The following OPN3 variants were observed in gnomAD, a reference collection of about 807,000 sequenced individuals.
OPN3 encodes the protein opsin 3.
Under a neutral mutation model 33.8 loss-of-function variants are expected in OPN3, and 29 were observed. The ratio of observed to expected loss-of-function variants is 0.86; its 90% CI spans 0.64 to 1.17. The LOEUF is 1.17. OPN3 is among the 50% of genes most tolerant of loss of function. The pLI is 0.00. For synonymous variants in OPN3, 216 were observed against 216.1 expected, an observed-to-expected ratio of 1.00 and a Z score of 0.00; for missense variants, 437 against 514.1, an observed-to-expected ratio of 0.85 and a Z score of 1.45.
At chr1:241,608,489 G>C (rs1181409563) in intron 1 of OPN3, among the ~76,000 whole-genome samples, 2 of 152,162 alleles carry the variant, frequency 1.3e-5, no homozygotes, top group African/African-American at 2.4e-5. Context: ...TCAGTGCAGT[G>C]CTATGAAGAA....
intron 1 of OPN3, among the ~76,000 whole-genome samples, chr1:241,619,134 AC>A (rs947592138): frequency 5.3e-5 from 8 of 152,132 alleles, no homozygotes; most frequent in African/African-American, 1.7e-4. Flanking sequence ...GAACTTGAGA[AC>A]TTTCAGGAAA....
chr1:241,604,346 C>T lies in OPN3; in HGVS notation c.607G>A (p.Val203Met), dbSNP rs752977802. 5 of 1,614,204 alleles carry T rather than the reference C, an allele frequency of 3.1e-6. No homozygotes were observed. In the Admixed American group the frequency reaches 8.3e-5, roughly 27 times the overall value. ...KSKDANDSSF[V>M]LFLFLGCLVV... is the part of the protein sequence containing the mutation. ...AGGCAGCCAAGAAATAAGAAAAGCA[C>T]AAAGGAGGAATCGTTGGCATCCTTG... The change falls in exon 2 of 4, where the codon GTG becomes ATG. Residue 203 changes from valine to methionine, a missense_variant. By Grantham distance (21) the Val-to-Met change is conservative. Transcript: ENST00000366554.
intron 1 of OPN3, among the ~76,000 whole-genome samples, chr1:241,606,257 T>A (rs1481213842): frequency 1.3e-5 from 2 of 152,074 alleles, no homozygotes; most frequent in Non-Finnish European, 2.9e-5. Flanking sequence ...AACTTTGAGG[T>A]TTTTGGCTGG....
chr1:241,636,031 T>C (rs1253992450), intron 1 of OPN3: 2 of 478,480 alleles, frequency 4.2e-6, no homozygotes, highest in South Asian at 4.6e-5. Flanking sequence ...TAGCAGTAAA[T>C]GTCAAAATGC....
At chr1:241,623,315 C>T (rs1478165219) in intron 1 of OPN3, among the ~76,000 whole-genome samples, 2 of 152,184 alleles carry the variant, frequency 1.3e-5, no homozygotes, top group East Asian at 1.9e-4. Context: ...CCTTTGTTGT[C>T]CTGACTACTA....
rs1664354607 is a variant in OPN3, at chr1:241,624,347, CTG to C, written c.373+15533_373+15534del. 4.6e-5 allele frequency among the ~76,000 whole-genome samples: 7 copies of C among 152,372 alleles called. No homozygotes were observed. In the South Asian group the frequency reaches 1.2e-3, roughly 27 times the overall value. Reference sequence around the variant, plus strand: ...GCACTCCATGCTCCAGCCATGCAGACTGTGTCAATGCCTCCATGCCTGTTTCT... The same window carrying C: ...GCACTCCATGCTCCAGCCATGCAGACTGTCAATGCCTCCATGCCTGTTTCT... On this transcript the variant is annotated intron_variant, in intron 1 of 3. Transcript: ENST00000366554.
At chr1:241,618,162 C>G (rs1664184535) in intron 1 of OPN3, among the ~76,000 whole-genome samples, 1 of 152,216 alleles carries the variant, frequency 6.6e-6, no homozygotes, top group African/African-American at 2.4e-5. Context: ...TCCACACTGT[C>G]AAATTGGGGT....
rs895794948 is a variant in OPN3 at position 241,594,692 on chromosome 1, C to T, written c.946-1G>A. On this transcript the variant is annotated splice_acceptor_variant, in intron 3 of 3. Transcript: ENST00000366554. LOFTEE classifies it high-confidence loss of function. ...GAAGCTGCAAAAGGGATCTTCGAAA[C>T]TGGGCAGAGAAAAAATAAAGTGGAA... 1.9e-6 allele frequency: 3 copies of T among 1,611,056 alleles called. No individual in the cohort carries two copies. Among genetic ancestry groups the T allele is most frequent in the Non-Finnish European group, 2.5e-6 (3 of 1,178,746 alleles).
chr1:241,601,796 A>T (rs1663684604), intron 2 of OPN3, among the ~76,000 whole-genome samples: 1 of 152,250 alleles, frequency 6.6e-6, no homozygotes, highest in Non-Finnish European at 1.5e-5. Context: ...ACTGATCAAT[A>T]GTTGTGTGTT....
chr1:241,603,998 T>A (rs1663751792), intron 2 of OPN3, among the ~76,000 whole-genome samples: 1 of 152,196 alleles, frequency 6.6e-6, no homozygotes, highest in Admixed American at 6.5e-5. Context: ...TAGGGTTTTT[T>A]GGTTGCTGAT....
chr1:241,634,992 A>T (rs1558447898), intron 1 of OPN3: 2 of 1,613,650 alleles, frequency 1.2e-6, no homozygotes, highest in East Asian at 4.5e-5. Context: ...ACATTTTTAA[A>T]TTCTACATAA....
At position 241,640,222 on chromosome 1, in the gene OPN3, G is replaced by A; in HGVS notation, c.33C>T (p.Gly11=). 7.5e-7 allele frequency: 1 copy of A among 1,330,506 alleles called. No individual in the cohort carries two copies. Among genetic ancestry groups the A allele is most frequent in the Non-Finnish European group, 9.5e-7 (1 of 1,047,948 alleles). The allele number at this position is 1,330,506 out of a possible 1,614,324, so 82.4% of individuals were successfully genotyped here. ...CCGCGGCCCCGCCGCCGTCCCAGTA[G>A]CCGTGGCCGCCGCTGCGGTTCCCCG... MYSGNRSGGH[G]YWDGGGAAGA... The change falls in exon 1 of 4, where the codon GGC becomes GGT. Residue 11 remains glycine (G), a synonymous_variant. Coordinates refer to ENST00000366554, the MANE Select transcript of OPN3 (RefSeq NM_014322.3).
chr1:241,611,267 C>A (rs944102414), intron 1 of OPN3, among the ~76,000 whole-genome samples: 5 of 151,940 alleles, frequency 3.3e-5, no homozygotes, highest in Middle Eastern at 3.4e-3. Context: ...AACAGAAGAG[C>A]GTGCTTCAAA....
chr1:241,601,786 A>C (rs1663684279), intron 2 of OPN3, among the ~76,000 whole-genome samples: 1 of 152,166 alleles, frequency 6.6e-6, no homozygotes, highest in Non-Finnish European at 1.5e-5. Context: ...ATGGATAAGA[A>C]CTGATCAATA....
intron 1 of OPN3, among the ~76,000 whole-genome samples, chr1:241,625,699 C>T (rs1664400115): frequency 6.6e-6 from 1 of 152,192 alleles, no homozygotes; most frequent in African/African-American, 2.4e-5. Flanking sequence ...GCAGCAAAGA[C>T]AGCAGTTCCT....
intron 1 of OPN3, among the ~76,000 whole-genome samples, chr1:241,617,105 G>T (rs558223996): frequency 5.6e-4 from 85 of 152,084 alleles, no homozygotes; most frequent in African/African-American, 2.0e-3. Context: ...TTCCAGACAT[G>T]TCAGGCAGGA....
chr1:241,631,187 T>A (rs1664621547), intron 1 of OPN3: 2 of 152,116 alleles, frequency 1.3e-5, no homozygotes, highest in African/African-American at 4.8e-5. Flanking sequence ...AACTTCTCAT[T>A]TCCCACTTAT....
chr1:241,595,989 C>T (rs966113148), intron 3 of OPN3, among the ~76,000 whole-genome samples: 1 of 152,112 alleles, frequency 6.6e-6, no homozygotes, highest in African/African-American at 2.4e-5. Flanking sequence ...TTTAGACTTC[C>T]TGTTTAAAGT....
intron 1 of OPN3, among the ~76,000 whole-genome samples, chr1:241,607,330 C>T (rs529741029): frequency 1.8e-4 from 27 of 152,168 alleles, no homozygotes; most frequent in South Asian, 4.1e-4. Flanking sequence ...GCCTGGCCAA[C>T]GTGGTGAAAA....
Sources: allele counts gnomAD v4.1 joint callset (sites outside exome capture counted in the v4.1 genomes callset), GRCh38; gene constraint gnomAD v4.1.1; transcripts MANE v1.5; gene names NCBI Gene and HGNC (gene_info 2026-07-23, HGNC 2026-07-21).